FANCD2OS: variants seen among roughly 807,000 people sequenced by gnomAD.
FANCD2OS encodes the protein FANCD2 opposite strand, also known as FANCD2 opposite strand protein.
Under a neutral mutation model 13.2 loss-of-function variants are expected in FANCD2OS, and 11 were observed. The observed-to-expected ratio is 0.83, with a 90% CI of 0.52 to 1.38. The LOEUF (loss-of-function observed/expected upper bound fraction) is 1.38, where lower values mean the gene tolerates loss of function less well. FANCD2OS is among the 40% of genes most tolerant of loss of function. The pLI, the probability that FANCD2OS is intolerant of heterozygous loss-of-function variation, is 0.00. For synonymous variants in FANCD2OS, 69 were observed against 84.5 expected (o/e 0.82, Z 1.01); for missense variants, 217 against 213.9 (o/e 1.01, Z -0.09).
chr3:10,085,650 G>A (rs567433290), intron 2 of FANCD2OS: 12 of 628,572 alleles, frequency 1.9e-5, no homozygotes, highest in South Asian at 4.5e-5. Context: ...TCAGCCTCCC[G>A]AAGTGCTGGG....
chr3:10,104,615 C>A lies in FANCD2OS; in HGVS notation c.160G>T (p.Glu54Ter). ...SDLEVQLCFQ[E>*]VTLVLDSPFL... ...GGGCTGTCTAGGACTAGAGTGACCTCTTGAAAGCACAGCTGCACTTCAAGG... is the reference window on the plus strand; with the variant it reads ...GGGCTGTCTAGGACTAGAGTGACCTATTGAAAGCACAGCTGCACTTCAAGG... Residue 54 changes from glutamate (E) to a stop codon, truncating the protein, a stop_gained, in exon 2 of 2, where the codon GAG becomes TAG. Coordinates refer to ENST00000450660, the MANE Select transcript of FANCD2OS (RefSeq NM_001164839.2). LOFTEE classifies it high-confidence loss of function. The A allele has an allele frequency of 6.2e-7, 1 of 1,614,158 alleles. No individual in the cohort carries two copies. Among genetic ancestry groups the A allele is most frequent in the Non-Finnish European group, 8.5e-7 (1 of 1,180,026 alleles).
downstream of FANCD2OS, chr3:10,099,053 A>G (rs1695149883): frequency 2.5e-6 from 4 of 1,591,100 alleles, no homozygotes; most frequent in Non-Finnish European, 3.4e-6. Context: ...TATAGAGTTG[A>G]CAATTTTCTG....
chr3:10,095,786 C>G (rs139114811), intron 2 of FANCD2OS, among the ~76,000 whole-genome samples: 1 of 152,136 alleles, frequency 6.6e-6, no homozygotes, highest in Non-Finnish European at 1.5e-5. Context: ...CCCTAGAGTT[C>G]TGCAGTCACT....
At chr3:10,098,664 A>G (rs1409629083), downstream of FANCD2OS, 25 of 1,597,118 alleles carry the variant, frequency 1.6e-5, no homozygotes, top group South Asian at 4.5e-5. Flanking sequence ...CTTCTCCCCT[A>G]TTACCCTAAA....
chr3:10,101,275 T>C (rs2125105722), downstream of FANCD2OS: 1 of 1,589,784 alleles, frequency 6.3e-7, no homozygotes, highest in Non-Finnish European at 8.6e-7. Context: ...CCCAGATAAA[T>C]TGTTGCCTGC....
Position 10,104,426 on chromosome 3 carries a change from T to A in FANCD2OS, c.349A>T (p.Thr117Ser). ...ITAQPPKWTG[T>S]FRVSDKSAFC... The stretch of plus-strand genomic sequence containing the variant: ...GCTGACTTGTCTGAAACTCTGAAAG[T>A]CCCGGTCCACTTTGGTGGCTGAGCT... Residue 117 changes from threonine to serine, a missense_variant, in exon 2 of 2, where the codon ACT (threonine) becomes TCT (serine). Physicochemically the swap from Thr to Ser is moderately conservative, Grantham distance 58. Coordinates refer to ENST00000450660, the MANE Select transcript of FANCD2OS (RefSeq NM_001164839.2). The A allele has an allele frequency of 6.2e-7, 1 of 1,614,160 alleles. No homozygotes were observed. The highest frequency in any genetic ancestry group is 8.5e-7 in the Non-Finnish European group (1 of 1,180,028).
intron 2 of FANCD2OS, chr3:10,096,599 A>T: frequency 1.2e-6 from 1 of 856,584 alleles, no homozygotes; most frequent in South Asian, 1.4e-5. Flanking sequence ...TAAGTCTGTG[A>T]CTGTTTAACT....
At chr3:10,084,660 A>G (rs977627624) in intron 2 of FANCD2OS, among the ~76,000 whole-genome samples, 5 of 152,170 alleles carry the variant, frequency 3.3e-5, no homozygotes, top group African/African-American at 1.2e-4. Context: ...CATTGAAGCT[A>G]TGGTAGACCA....
intron 2 of FANCD2OS, chr3:10,094,260 A>C (rs1393183469): frequency 3.2e-6 from 5 of 1,547,794 alleles, no homozygotes; most frequent in Non-Finnish European, 4.5e-6. Flanking sequence ...TACCTCAGCT[A>C]GAGGTAACAG....
intron 1 of FANCD2OS, 139 bp downstream of exon 1, chr3:10,107,876 G>T (rs1411072680): frequency 6.6e-6 from 1 of 152,260 alleles, no homozygotes; most frequent in Non-Finnish European, 1.5e-5. Flanking sequence ...AACCACTCCA[G>T]AAGGGCTTGA....
At chr3:10,099,459 CA>C, downstream of FANCD2OS, 21 of 459,234 alleles carry the variant, frequency 4.6e-5, no homozygotes, top group East Asian at 7.6e-5. Context: ...CCTATCTCCA[CA>C]AAAAAAATGA....
At chr3:10,099,274 T>C, downstream of FANCD2OS, 1 of 1,273,004 alleles carries the variant, frequency 7.9e-7, no homozygotes, top group Non-Finnish European at 1.0e-6. Context: ...AAAATAGAAG[T>C]TCTTACGCTT....
intron 2 of FANCD2OS, among the ~76,000 whole-genome samples, chr3:10,089,857 C>G (rs370546202): frequency 6.6e-6 from 1 of 152,200 alleles, no homozygotes; most frequent in Non-Finnish European, 1.5e-5. Context: ...GTTATCTTAA[C>G]ATTTGTAGTC....
chr3:10,104,721 T>C lies in FANCD2OS; in HGVS notation c.54A>G (p.Gln18=), dbSNP rs767122617. Residue 18 remains glutamine, a synonymous_variant, in exon 2 of 2, where the codon CAA becomes CAG. Coordinates refer to ENST00000450660, the MANE Select transcript of FANCD2OS (RefSeq NM_001164839.2). ...GTGTAGGTGTCGTGTGCCGCAGCCA[T>C]TGGAAACTCTCATCCAGTGGGGTCC... ...SPWTPLDESF[Q]WLRHTTPTPS... 1.2e-6 allele frequency: 2 copies of C among 1,609,596 alleles called. No homozygotes were observed. The highest frequency in any genetic ancestry group is 1.7e-6 in the Non-Finnish European group (2 of 1,177,952).
chr3:10,081,920 G>A (rs1033326958), intron 2 of FANCD2OS, among the ~76,000 whole-genome samples: 1 of 152,180 alleles, frequency 6.6e-6, no homozygotes, highest in South Asian at 2.1e-4. Flanking sequence ...ACTAAGGGAG[G>A]TGTGCCCCTT....
At position 10,104,179 on chromosome 3, in the gene FANCD2OS, G is replaced by A. The variant is rs978684044; in HGVS notation, c.*62C>T. ...GTTTCATTTACATGGACAGGTTTCT[G>A]TAAGCTTTAGGTACATACCAAAGGG... On this transcript the variant is annotated 3_prime_UTR_variant, in exon 2 of 2. Coordinates refer to ENST00000450660, the MANE Select transcript of FANCD2OS (RefSeq NM_001164839.2). 2.1e-6 allele frequency: 3 copies of A among 1,421,428 alleles called. No homozygotes were observed. The highest frequency in any genetic ancestry group is 4.6e-5 in the East Asian group (2 of 43,352). 88.1% of individuals were successfully genotyped at this position (1,421,428 alleles called of 1,614,324 possible).
chr3:10,088,699 T>C, intron 2 of FANCD2OS: 1 of 1,148,786 alleles, frequency 8.7e-7, no homozygotes, highest in Non-Finnish European at 1.3e-6. Flanking sequence ...GATCTTAAGA[T>C]CCTCTGGTTC....
intron 2 of FANCD2OS, chr3:10,085,685 C>T (rs1173950322): frequency 1.2e-5 from 9 of 746,388 alleles, no homozygotes; most frequent in East Asian, 5.2e-5. Flanking sequence ...CCACCACGCC[C>T]GACCTCTCAA....
chr3:10,104,696 G>A lies in FANCD2OS; in HGVS notation c.79C>T (p.Pro27Ser), dbSNP rs772401972. The A allele has an allele frequency of 1.2e-6, 2 of 1,613,952 alleles. No homozygotes were observed. Among genetic ancestry groups the A allele is most frequent in the Admixed American group, 3.3e-5 (2 of 60,010 alleles). ...FQWLRHTTPT[P>S]SSKHPFKASP... Reference sequence around the variant, plus strand: ...GCCTTGAATGGGTGCTTGGAGGAAGGTGTAGGTGTCGTGTGCCGCAGCCAT... The same window carrying A: ...GCCTTGAATGGGTGCTTGGAGGAAGATGTAGGTGTCGTGTGCCGCAGCCAT... The change falls in exon 2 of 2, where the codon CCT becomes TCT. Residue 27 changes from proline (P) to serine (S), a missense_variant. Coordinates refer to ENST00000450660, the MANE Select transcript of FANCD2OS (RefSeq NM_001164839.2).
Sources: gnomAD v4.1 joint callset for allele counts (sites outside exome capture counted in the v4.1 genomes callset) on GRCh38, gnomAD v4.1.1 for gene constraint, MANE v1.5 for transcripts, NCBI Gene and HGNC (gene_info 2026-07-23, HGNC 2026-07-21) for gene names.